OXR1: variants seen among roughly 807,000 people sequenced by gnomAD.
The protein encoded by OXR1 is oxidation resistance 1.
In OXR1, 41 loss-of-function variants were observed where a neutral mutation model predicts 104.6. The ratio of observed to expected loss-of-function variants is 0.39; its 90% CI spans 0.31 to 0.51. The LOEUF is 0.51. Among genes scored for constraint, OXR1 ranks in the 20% least tolerant of loss-of-function variants. The pLI, the probability that OXR1 is intolerant of heterozygous loss-of-function variation, is 0.77. For missense variants in OXR1, 955 were observed against 1,031.9 expected (o/e 0.93, Z 1.02); for synonymous variants, 348 against 348.4 (o/e 1.00, Z 0.01).
chr8:106,507,667 T>C (rs1812260286), intron 2 of OXR1, among the ~76,000 whole-genome samples: 1 of 152,058 alleles, frequency 6.6e-6, no homozygotes, highest in South Asian at 2.1e-4. Context: ...AGAAACAGAC[T>C]TGAAGTGATG....
chr8:106,322,669 T>C (rs1232671056), intron 1 of OXR1, among the ~76,000 whole-genome samples: 2 of 152,146 alleles, frequency 1.3e-5, no homozygotes, highest in African/African-American at 2.4e-5. Flanking sequence ...TTCCAGCTGA[T>C]AAACAACTTC....
At position 106,466,227 on chromosome 8, in the gene OXR1, A is replaced by T. The variant is rs555815049; in HGVS notation, c.24-52716A>T. The stretch of plus-strand genomic sequence containing the variant: ...GATTTCTGAATTTAATGAAAAGATG[A>T]ACATTTGTCATTGTTTCATGAAATT... On this transcript the variant is annotated intron_variant, in intron 2 of 16. Transcript: ENST00000517566. 2.2e-4 allele frequency among the ~76,000 whole-genome samples: 34 copies of T among 152,090 alleles called. 1 individual carries two copies. The South Asian group carries it at 6.0e-3, about 27-fold the overall frequency.
chr8:106,537,795 G>T (rs755866659), intron 3 of OXR1, among the ~76,000 whole-genome samples: 1 of 152,066 alleles, frequency 6.6e-6, no homozygotes, highest in Non-Finnish European at 1.5e-5. Flanking sequence ...TAGGTTCAGG[G>T]TTCAGAGAGG....
intron 2 of OXR1, among the ~76,000 whole-genome samples, chr8:106,422,340 C>T (rs1296360349): frequency 1.3e-5 from 2 of 152,020 alleles, no homozygotes; most frequent in Non-Finnish European, 2.9e-5. Context: ...GACATGTGAT[C>T]CCAATGGGAA....
intron 1 of OXR1, among the ~76,000 whole-genome samples, chr8:106,324,504 C>T (rs1170746807): frequency 1.3e-5 from 2 of 150,400 alleles, no homozygotes; most frequent in East Asian, 3.9e-4. Context: ...TACCCCAAAC[C>T]TAAAATATTT....
At position 106,274,211 on chromosome 8, in the gene OXR1, A is replaced by G. The variant is rs537823929; in HGVS notation, c.-139+3844A>G. On this transcript the variant is annotated intron_variant, in intron 1 of 16. Transcript: ENST00000517566. ...GCATGGAGCGTATTGAGAAGCATCA[A>G]GCCTTTCGATTCCGTAGCACAATAC... Among the ~76,000 whole-genome samples the G allele has an allele frequency of 2.0e-5, 3 of 152,322 alleles. No individual in the cohort carries two copies. In the South Asian group the frequency reaches 6.2e-4, roughly 32 times the overall value.
intron 2 of OXR1, among the ~76,000 whole-genome samples, chr8:106,378,798 C>T (rs536758865): frequency 6.6e-6 from 1 of 152,292 alleles, no homozygotes; most frequent in Non-Finnish European, 1.5e-5. Flanking sequence ...TGTGAGCCAC[C>T]ATGCCCGGCC....
At chr8:106,297,088 C>A (rs914232609) in intron 1 of OXR1, among the ~76,000 whole-genome samples, 1 of 152,040 alleles carries the variant, frequency 6.6e-6, no homozygotes, top group African/African-American at 2.4e-5. Flanking sequence ...TCATAAAAAC[C>A]TCAGGAGGTT....
chr8:106,428,999 C>G (rs1819249402), intron 2 of OXR1, among the ~76,000 whole-genome samples: 1 of 152,104 alleles, frequency 6.6e-6, no homozygotes, highest in Non-Finnish European at 1.5e-5. Flanking sequence ...CTTTACAGAA[C>G]AGGAAACTGA....
At chr8:106,697,641 A>G in intron 7 of OXR1, 1 of 1,613,906 alleles carries the variant, frequency 6.2e-7, no homozygotes, top group Non-Finnish European at 8.5e-7. Flanking sequence ...TCCGCTGCAC[A>G]CAGGCCATGT....
intron 3 of OXR1, among the ~76,000 whole-genome samples, chr8:106,572,316 C>T (rs186830677): frequency 1.8e-4 from 28 of 152,224 alleles, no homozygotes; most frequent in African/African-American, 6.3e-4. Flanking sequence ...TTCTGGCTTC[C>T]GCTGGGATGG....
intron 3 of OXR1, among the ~76,000 whole-genome samples, chr8:106,649,169 C>A (rs1824333250): frequency 6.6e-6 from 1 of 152,116 alleles, no homozygotes. Flanking sequence ...CACACCACTG[C>A]ATGCCAGCCT....
chr8:106,360,509 A>G (rs914936175), intron 2 of OXR1, among the ~76,000 whole-genome samples: 44 of 152,030 alleles, frequency 2.9e-4, no homozygotes, highest in Non-Finnish European at 6.0e-4. Context: ...GAAGTCAGCA[A>G]TTTTTTTAGG....
chr8:106,442,562 G>T (rs1819832432), intron 2 of OXR1, among the ~76,000 whole-genome samples: 1 of 151,794 alleles, frequency 6.6e-6, no homozygotes, highest in Non-Finnish European at 1.5e-5. Context: ...TTTTTTCGTT[G>T]GTAGGCTATT....
intron 1 of OXR1, among the ~76,000 whole-genome samples, chr8:106,345,962 G>A (rs1173322321): frequency 6.6e-6 from 1 of 151,876 alleles, no homozygotes; most frequent in Non-Finnish European, 1.5e-5. Flanking sequence ...TTGATCATTC[G>A]GTAAAAAGTT....
chr8:106,698,769 A>G (rs776781833), intron 7 of OXR1, among the ~76,000 whole-genome samples: 4 of 151,838 alleles, frequency 2.6e-5, no homozygotes, highest in East Asian at 1.9e-4. Flanking sequence ...ATAATCTTCT[A>G]TATTGTTGAA....
At chr8:106,635,507 C>T (rs988569910) in intron 3 of OXR1, among the ~76,000 whole-genome samples, 1 of 152,106 alleles carries the variant, frequency 6.6e-6, no homozygotes, top group Non-Finnish European at 1.5e-5. Context: ...TGCAGTGGCA[C>T]AATCTTGGCT....
intron 2 of OXR1, among the ~76,000 whole-genome samples, chr8:106,394,924 C>A (rs1176900388): frequency 6.6e-6 from 1 of 151,922 alleles, no homozygotes; most frequent in Non-Finnish European, 1.5e-5. Flanking sequence ...AAGGATCAAC[C>A]TAAGGATCTC....
chr8:106,442,276 T>C (rs1176811493), intron 2 of OXR1, among the ~76,000 whole-genome samples: 1 of 152,212 alleles, frequency 6.6e-6, no homozygotes, highest in Non-Finnish European at 1.5e-5. Context: ...GACTTGATCA[T>C]GGTGGGTAAG....
Sources: gnomAD v4.1 joint callset for allele counts (sites outside exome capture counted in the v4.1 genomes callset) on GRCh38, gnomAD v4.1.1 for gene constraint, MANE v1.5 for transcripts, NCBI Gene and HGNC (gene_info 2026-07-23, HGNC 2026-07-21) for gene names.